QRICH1: variants seen among roughly 807,000 people sequenced by gnomAD.
QRICH1 encodes the protein transcriptional regulator QRICH1.
Under a neutral mutation model 87.1 loss-of-function variants are expected in QRICH1, and 16 were observed. The ratio of observed to expected loss-of-function variants is 0.18; its 90% confidence interval spans 0.12 to 0.28. The LOEUF (loss-of-function observed/expected upper bound fraction) is 0.28. QRICH1 is among the 10% of genes least tolerant of loss of function. The pLI is 1.00. For missense variants in QRICH1, 647 were observed against 951.7 expected, an observed-to-expected ratio of 0.68 and a Z score of 4.21; for synonymous variants, 367 against 368.4, an observed-to-expected ratio of 1.00 and a Z score of 0.05.
At chr3:49,061,042 G>C (rs1372896806) in intron 2 of QRICH1, among the ~76,000 whole-genome samples, 1 of 148,342 alleles carries the variant, frequency 6.7e-6, no homozygotes, top group African/African-American at 2.5e-5. Context: ...AGAGGCTGAG[G>C]CAGAATAGCT....
At chr3:49,053,486 C>CAAAA (rs11417565) in intron 3 of QRICH1, among the ~76,000 whole-genome samples, 26 of 112,762 alleles carry the variant, frequency 2.3e-4, no homozygotes, top group Non-Finnish European at 4.3e-4. Flanking sequence ...CCCCCTGTCT[C>CAAAA]AAAAAAAAAA....
At position 49,032,771 on chromosome 3, in the gene QRICH1, T is replaced by G. The variant is rs747820092; in HGVS notation, c.1898A>C (p.Tyr633Ser). 1 of 1,602,606 alleles carries G rather than the reference T, an allele frequency of 6.2e-7. No individual in the cohort carries two copies. The highest frequency in any genetic ancestry group is 1.8e-5 in the Admixed American group (1 of 56,192). ...LTTLMFFNTK[Y>S]FLLKTVDQHM... ...CTGGTCCACTGTCTTCAATAGGAAG[T>G]ACCTGGATCACAAGTAAAATGCAAG... is the stretch of plus-strand genomic sequence containing the variant. The change falls in exon 8 of 10, where the codon TAC becomes TCC. Residue 633 changes from tyrosine (Y) to serine (S), a missense_variant and splice_region_variant. Coordinates refer to ENST00000395443, the MANE Select transcript of QRICH1 (RefSeq NM_198880.3).
chr3:49,039,611 T>A (rs1459394581), intron 6 of QRICH1, among the ~76,000 whole-genome samples: 4 of 85,572 alleles, frequency 4.7e-5, no homozygotes, highest in South Asian at 4.4e-4. Flanking sequence ...ACACAGAGAC[T>A]CCATCTCAAA....
intron 9 of QRICH1, 50 bp from the exon 10 acceptor site, chr3:49,030,694 C>G: frequency 6.9e-7 from 1 of 1,440,712 alleles, no homozygotes; most frequent in Non-Finnish European, 9.4e-7. Context: ...AACTTCAACC[C>G]TCCCACCCTG....
intron 6 of QRICH1, among the ~76,000 whole-genome samples, chr3:49,036,860 C>T (rs1443995600): frequency 6.6e-6 from 1 of 151,696 alleles, no homozygotes; most frequent in East Asian, 1.9e-4. Flanking sequence ...CTCAGGAGTT[C>T]GAAACCAGCC....
At chr3:49,074,840 G>A (rs549039714) in intron 2 of QRICH1, among the ~76,000 whole-genome samples, 8 of 150,838 alleles carry the variant, frequency 5.3e-5, no homozygotes, top group Non-Finnish European at 8.9e-5. Flanking sequence ...TTAGCTGGGC[G>A]TGGTGGCAGC....
chr3:49,089,027 G>A (rs1051458359), intron 1 of QRICH1, among the ~76,000 whole-genome samples: 1 of 151,816 alleles, frequency 6.6e-6, no homozygotes, highest in African/African-American at 2.4e-5. Context: ...CCTGGTTTAG[G>A]GGCATTTTCA....
chr3:49,078,694 C>CTTTTTT (rs57367580), intron 1 of QRICH1, among the ~76,000 whole-genome samples: 97 of 78,818 alleles, frequency 1.2e-3, no homozygotes, highest in Non-Finnish European at 1.7e-3. Flanking sequence ...CACACCTGTC[C>CTTTTTT]TTTTTTTTTT....
At chr3:49,082,721 C>A (rs1171658217) in intron 1 of QRICH1, among the ~76,000 whole-genome samples, 1 of 151,512 alleles carries the variant, frequency 6.6e-6, no homozygotes, top group Admixed American at 6.6e-5. Flanking sequence ...CGGTGAAACC[C>A]TGTCTCTACT....
intron 6 of QRICH1, among the ~76,000 whole-genome samples, chr3:49,041,699 C>T (rs1436589384): frequency 2.0e-5 from 3 of 151,788 alleles, no homozygotes; most frequent in Non-Finnish European, 2.9e-5. Context: ...GGCGTGGTCT[C>T]AGCTCACTGC....
chr3:49,081,633 TG>T (rs2042061874), intron 1 of QRICH1, among the ~76,000 whole-genome samples: 2 of 152,134 alleles, frequency 1.3e-5, no homozygotes, highest in South Asian at 2.1e-4. Context: ...CCCAAGCGGC[TG>T]GGACTACAGG....
chr3:49,047,038 A>G, intron 4 of QRICH1, 31 bp downstream of exon 4: 2 of 1,592,324 alleles, frequency 1.3e-6, no homozygotes, highest in African/African-American at 1.3e-5. Context: ...TGCATTTTAG[A>G]CACAGCCCAC....
chr3:49,070,374 T>C (rs1431862903), intron 2 of QRICH1, among the ~76,000 whole-genome samples: 1 of 151,974 alleles, frequency 6.6e-6, no homozygotes, highest in Admixed American at 6.6e-5. Flanking sequence ...TTCTCTTTTA[T>C]CAATTTCTTA....
chr3:49,052,563 T>C (rs2093377278), intron 3 of QRICH1, among the ~76,000 whole-genome samples: 2 of 152,206 alleles, frequency 1.3e-5, no homozygotes, highest in African/African-American at 4.8e-5. Flanking sequence ...TGGAGTGCAG[T>C]GGCGCGATCT....
At chr3:49,056,773 A>G in intron 3 of QRICH1, 89 bp downstream of exon 3, 1 of 1,581,268 alleles carries the variant, frequency 6.3e-7, no homozygotes, top group Non-Finnish European at 8.7e-7. Context: ...TAACAGCAGT[A>G]AATAAGCCAG....
intron 2 of QRICH1, among the ~76,000 whole-genome samples, chr3:49,058,225 C>T (rs2093414698): frequency 6.6e-6 from 1 of 152,158 alleles, no homozygotes; most frequent in Admixed American, 6.5e-5. Context: ...TCTCAGCTCA[C>T]TGCAACCTCC....
At chr3:49,068,076 G>A (rs944668462) in intron 2 of QRICH1, among the ~76,000 whole-genome samples, 4 of 152,136 alleles carry the variant, frequency 2.6e-5, no homozygotes. Context: ...AATGAAATGA[G>A]GTGCTAAGTG....
chr3:49,038,762 C>A (rs1406523161), intron 6 of QRICH1, among the ~76,000 whole-genome samples: 1 of 152,114 alleles, frequency 6.6e-6, no homozygotes, highest in Non-Finnish European at 1.5e-5. Flanking sequence ...CTCCGTAGTT[C>A]ACGCCTGTAA....
intron 1 of QRICH1, among the ~76,000 whole-genome samples, chr3:49,081,492 C>T (rs2042058658): frequency 6.6e-6 from 1 of 152,008 alleles, no homozygotes; most frequent in South Asian, 2.1e-4. Flanking sequence ...AAGTTCCACA[C>T]CCCTGATTTT....
Sources: allele counts gnomAD v4.1 joint callset (sites outside exome capture counted in the v4.1 genomes callset), GRCh38; gene constraint gnomAD v4.1.1; transcripts MANE v1.5; gene names NCBI Gene and HGNC (gene_info 2026-07-23, HGNC 2026-07-21).